SYT17: variants seen among roughly 807,000 people sequenced by gnomAD.
SYT17 encodes the protein synaptotagmin 17.
SYT17 carries 22 observed loss-of-function variants against 46.7 expected under a neutral mutation model. The observed-to-expected ratio is 0.47, with a 90% confidence interval of 0.34 to 0.67. SYT17 has a LOEUF of 0.67. SYT17 is among the 30% of genes least tolerant of loss of function. The pLI, the probability that SYT17 is intolerant of heterozygous loss-of-function variation, is 0.01. For missense variants in SYT17, 519 were observed against 612.8 expected (o/e 0.85, Z 1.62); for synonymous variants, 251 against 248.4 (o/e 1.01, Z -0.10).
At chr16:19,180,064 C>T (rs1160061167) in intron 3 of SYT17, 1 of 283,252 alleles carries the variant, frequency 3.5e-6, no homozygotes, top group East Asian at 7.4e-5. Flanking sequence ...TGACAGGTCT[C>T]GGGCTTCACT....
At chr16:19,244,524 G>A (rs1174826999) in intron 7 of SYT17, among the ~76,000 whole-genome samples, 1 of 151,976 alleles carries the variant, frequency 6.6e-6, no homozygotes, top group African/African-American at 2.4e-5. Flanking sequence ...TGTAGAGATG[G>A]GGGTCTCACT....
At chr16:19,222,634 C>T (rs955433492) in intron 5 of SYT17, among the ~76,000 whole-genome samples, 7 of 152,170 alleles carry the variant, frequency 4.6e-5, no homozygotes, top group African/African-American at 1.7e-4. Flanking sequence ...GTTTAAGTAC[C>T]AGCTCTACCA....
rs543991562 is a variant in SYT17, at chr16:19,182,661, G to C, written c.332-867G>C. Reference sequence around the variant, plus strand: ...TGGCAAATGTCTCATAAAGACAACTGTTTGGGCAATTAGCAAGAATGCCAT... The same window carrying C: ...TGGCAAATGTCTCATAAAGACAACTCTTTGGGCAATTAGCAAGAATGCCAT... On this transcript the variant is annotated intron_variant, in intron 4 of 7. Coordinates refer to ENST00000355377, the MANE Select transcript of SYT17 (RefSeq NM_016524.4). Among the ~76,000 whole-genome samples, 49 of 152,308 alleles carry C rather than the reference G, an allele frequency of 3.2e-4. 1 individual carries two copies. The South Asian group carries it at 9.9e-3, about 31-fold the overall frequency.
chr16:19,253,542 A>G (rs976574995), intron 7 of SYT17, among the ~76,000 whole-genome samples: 1 of 152,070 alleles, frequency 6.6e-6, no homozygotes, highest in African/African-American at 2.4e-5. Context: ...TCCCACAGAG[A>G]TTGGAAACTC....
chr16:19,184,414 G>A (rs1018639211), intron 5 of SYT17, among the ~76,000 whole-genome samples: 1 of 147,634 alleles, frequency 6.8e-6, no homozygotes, highest in African/African-American at 2.5e-5. Flanking sequence ...TTTTTTTTGA[G>A]ACGCTCTGTC....
intron 7 of SYT17, among the ~76,000 whole-genome samples, chr16:19,254,309 G>T (rs919447462): frequency 6.6e-6 from 1 of 152,032 alleles, no homozygotes; most frequent in African/African-American, 2.4e-5. Flanking sequence ...GTAGGATCGG[G>T]CCCCTTTCTA....
intron 4 of SYT17, among the ~76,000 whole-genome samples, chr16:19,181,999 CAAAAAAAAA>C (rs371941934): frequency 1.2e-5 from 1 of 81,934 alleles, no homozygotes; most frequent in Non-Finnish European, 2.6e-5. Flanking sequence ...AACTCTGTCT[CAAAAAAAAA>C]AAAAAAAAGA....
chr16:19,183,460 T>G lies in SYT17; in HGVS notation c.332-68T>G. Reference sequence around the variant, plus strand: ...AGAGTAAACAATGCAAGAATCTGCTTACCTGCAAAGTGGCCCAGGTCTGCC... The same window carrying G: ...AGAGTAAACAATGCAAGAATCTGCTGACCTGCAAAGTGGCCCAGGTCTGCC... On this transcript the variant is annotated intron_variant, in intron 4 of 7. Coordinates refer to ENST00000355377, the MANE Select transcript of SYT17 (RefSeq NM_016524.4). This position sits in a 1 kb window ranked among gnomAD's most constrained non-coding sequence, Gnocchi z 5.6. 1.9e-6 allele frequency: 3 copies of G among 1,582,052 alleles called. No individual in the cohort carries two copies. In the South Asian group the frequency reaches 3.4e-5, roughly 18 times the overall value.
chr16:19,174,546 C>T (rs902956326), intron 3 of SYT17, among the ~76,000 whole-genome samples: 4 of 152,162 alleles, frequency 2.6e-5, no homozygotes, highest in African/African-American at 9.7e-5. Context: ...AAGCTGGGGG[C>T]TCATGCCTCA....
chr16:19,194,827 A>G (rs1347258292), intron 5 of SYT17, among the ~76,000 whole-genome samples: 2 of 152,062 alleles, frequency 1.3e-5, no homozygotes, highest in Non-Finnish European at 2.9e-5. Flanking sequence ...CGAACTCCTG[A>G]CCTCAAGCAA....
intron 7 of SYT17, 125 bp downstream of exon 7, chr16:19,224,963 G>C (rs1163782961): frequency 9.4e-7 from 1 of 1,066,264 alleles, no homozygotes; most frequent in Non-Finnish European, 1.4e-6. Context: ...AACTACCTGG[G>C]TTTGAACCCA....
chr16:19,170,183 A>G (rs1179660403), intron 1 of SYT17: 1 of 152,176 alleles, frequency 6.6e-6, no homozygotes, highest in Non-Finnish European at 1.5e-5. Flanking sequence ...CACTCTGACT[A>G]TAGCACCAAA....
In SYT17 at chr16:19,224,829, G is replaced by C; in HGVS notation, c.1219G>C (p.Val407Leu). ...AGAAGAACTGGAAAATGCCAGCCTA[G>C]TGTTTACAGGTAGGTAGCATTCCAA... ...PQEELENASL[V>L]FTVFGHNMKS... Residue 407 changes from valine (V) to leucine (L), a missense_variant, in exon 7 of 8, where the codon GTG becomes CTG. Physicochemically the swap from Val to Leu is conservative, Grantham distance 32. Coordinates refer to ENST00000355377, the MANE Select transcript of SYT17 (RefSeq NM_016524.4). 1 of 1,614,016 alleles carries C rather than the reference G, an allele frequency of 6.2e-7. No homozygotes were observed. The highest frequency in any genetic ancestry group is 8.5e-7 in the Non-Finnish European group (1 of 1,179,910).
chr16:19,201,376 A>G (rs1965455581), intron 5 of SYT17, among the ~76,000 whole-genome samples: 1 of 152,002 alleles, frequency 6.6e-6, no homozygotes, highest in African/African-American at 2.4e-5. Flanking sequence ...AAATTCAGGG[A>G]CTCAAACCTT....
chr16:19,236,516 T>G (rs1966850247), intron 7 of SYT17, among the ~76,000 whole-genome samples: 1 of 152,118 alleles, frequency 6.6e-6, no homozygotes, highest in Non-Finnish European at 1.5e-5. Flanking sequence ...TTCAGACCAG[T>G]TGGTTACAAT....
chr16:19,204,807 G>A (rs773183977), intron 5 of SYT17, among the ~76,000 whole-genome samples: 2 of 152,112 alleles, frequency 1.3e-5, no homozygotes, highest in Non-Finnish European at 2.9e-5. Context: ...TGGAAACACT[G>A]AACTTAGTTT....
intron 3 of SYT17, among the ~76,000 whole-genome samples, chr16:19,178,791 G>C (rs1477726235): frequency 6.6e-6 from 1 of 152,158 alleles, no homozygotes. Context: ...AGCAGCATCA[G>C]TCTCAAAACG....
At chr16:19,224,274 T>C (rs1167374921) in intron 6 of SYT17, among the ~76,000 whole-genome samples, 1 of 152,160 alleles carries the variant, frequency 6.6e-6, no homozygotes, top group African/African-American at 2.4e-5. Flanking sequence ...TCAGTTTTCT[T>C]ATCTGTAAAA....
At chr16:19,219,728 T>C (rs1367572424) in intron 5 of SYT17, among the ~76,000 whole-genome samples, 1 of 152,268 alleles carries the variant, frequency 6.6e-6, no homozygotes, top group Non-Finnish European at 1.5e-5. Context: ...ATCTCATTTA[T>C]GTATTTTTTA....
Sources: gnomAD v4.1 joint callset for allele counts (sites outside exome capture counted in the v4.1 genomes callset) on GRCh38, gnomAD v4.1.1 for gene constraint, Gnocchi (gnomAD v3.1) non-coding constraint, MANE v1.5 for transcripts, NCBI Gene and HGNC (gene_info 2026-07-23, HGNC 2026-07-21) for gene names.